The following MEGF6 variants were observed in gnomAD, a reference collection of about 807,000 sequenced individuals.
MEGF6 encodes multiple epidermal growth factor-like domains protein 6.
In MEGF6, 184 loss-of-function variants were observed where a neutral mutation model predicts 207.1. That is an observed-to-expected ratio of 0.89 (90% CI 0.79 to 1.00). The LOEUF is 1.00. MEGF6 is among the 50% of genes least tolerant of loss of function. The pLI is 0.00. For missense variants in MEGF6, 2,282 were observed against 2,202.9 expected (o/e 1.04, Z -0.72); for synonymous variants, 1,038 against 910.0 (o/e 1.14, Z -2.53).
intron 2 of MEGF6, among the ~76,000 whole-genome samples, chr1:3,598,872 G>C (rs1424893366): frequency 3.3e-5 from 5 of 151,342 alleles, no homozygotes; most frequent in Non-Finnish European, 1.5e-5. Context: ...CAGGGACCTT[G>C]CTCTGCAGAG....
rs567630853 is a variant in MEGF6 at position 3,492,778 on chromosome 1, G to T, written c.4388-11C>A. 2 of 1,603,720 alleles carry T rather than the reference G, an allele frequency of 1.2e-6. No homozygotes were observed. Among genetic ancestry groups the T allele is most frequent in the South Asian group, 2.2e-5 (2 of 90,828 alleles). On this transcript the variant is annotated splice_polypyrimidine_tract_variant and intron_variant, in intron 34 of 36. Transcript: ENST00000356575. ...GGCCCCTTCTGCAATCTGCAAGGCG[G>T]AGGGGGCGGGAGACAAACCTGAGCA...
chr1:3,532,783 T>A (rs1642217808), intron 4 of MEGF6, among the ~76,000 whole-genome samples: 1 of 152,132 alleles, frequency 6.6e-6, no homozygotes, highest in African/African-American at 2.4e-5. Context: ...GTCAGGAGCA[T>A]AGCCACGGGT....
In MEGF6 at chr1:3,600,537, G is replaced by C. The variant is rs76176372; in HGVS notation, c.266+1929C>G. On this transcript the variant is annotated intron_variant, in intron 2 of 36. Coordinates refer to ENST00000356575, the MANE Select transcript of MEGF6 (RefSeq NM_001409.4). ...GGGAACAGGGCTGGCTCCTGGGAGG[G>C]ATGAAGGGAGCAAGCCTCAGGCCGG... Among the ~76,000 whole-genome samples the C allele has an allele frequency of 8.0e-3, 1,225 of 152,290 alleles. 16 individuals carry two copies. Among genetic ancestry groups the C allele is most frequent in the African/African-American group, 0.028 (1,161 of 41,568 alleles).
At chr1:3,602,837 C>T (rs1644182496) in intron 1 of MEGF6, among the ~76,000 whole-genome samples, 1 of 152,188 alleles carries the variant, frequency 6.6e-6, no homozygotes, top group Non-Finnish European at 1.5e-5. Context: ...ACGCATGGCC[C>T]ACAGCGTGGA....
At chr1:3,616,790 G>A in the MEGF6 span, among the ~76,000 whole-genome samples, 1 of 152,226 alleles carries the variant, frequency 6.6e-6, no homozygotes, top group Non-Finnish European at 1.5e-5. Flanking sequence ...GGCCCCAAGC[G>A]TGGCGGGGGA....
chr1:3,510,745 A>G, intron 10 of MEGF6, 38 bp downstream of exon 10: 1 of 1,573,488 alleles, frequency 6.4e-7, no homozygotes, highest in Non-Finnish European at 8.7e-7. Context: ...CCCTGCTCCC[A>G]GGCCACCCCA....
chr1:3,488,644 GC>G lies in MEGF6; in HGVS notation c.*1883del, dbSNP rs1454219274. 2.4e-4 allele frequency among the ~76,000 whole-genome samples: 36 copies of G among 152,350 alleles called. No individual in the cohort carries two copies. The highest frequency in any genetic ancestry group is 7.9e-4 in the African/African-American group (33 of 41,576). ...ATAGTTTAGCTGGATGTAAAATTCA[GC>G]CTTCAAATATTTCCTTCAAACTCTG... On this transcript the variant is annotated 3_prime_UTR_variant, in exon 37 of 37. Transcript: ENST00000356575.
In MEGF6 at chr1:3,498,413, A is replaced by T. The variant is rs750323812; in HGVS notation, c.3310T>A (p.Cys1104Ser). The T allele has an allele frequency of 1.3e-6, 2 of 1,592,998 alleles. No homozygotes were observed. Among genetic ancestry groups the T allele is most frequent in the African/African-American group, 2.7e-5 (2 of 74,582 alleles). ...CCAGTCCAGCCGGCTGGGCAGAGGC[A>T]GCGGCCCGTGTGCGGGTCACACAGG... is the stretch of plus-strand genomic sequence containing the variant. ...GGLCDPHTGR[C>S]LCPAGWTGDK... Residue 1104 changes from cysteine to serine, a missense_variant, in exon 26 of 37, where the codon TGC (cysteine) becomes AGC (serine). Cys to Ser is a moderately radical substitution (Grantham distance 112). Coordinates refer to ENST00000356575, the MANE Select transcript of MEGF6 (RefSeq NM_001409.4).
At chr1:3,522,650 T>C (rs1231499970) in intron 5 of MEGF6, among the ~76,000 whole-genome samples, 1 of 151,530 alleles carries the variant, frequency 6.6e-6, no homozygotes, top group African/African-American at 2.4e-5. Context: ...CTTTTGAGGG[T>C]TTCAGGGAAG....
chr1:3,555,732 G>A (rs1040302462), intron 4 of MEGF6, among the ~76,000 whole-genome samples: 3 of 152,114 alleles, frequency 2.0e-5, no homozygotes, highest in African/African-American at 4.8e-5. Context: ...GCCTGCTGCC[G>A]CTCATGCCAG....
Position 3,492,894 on chromosome 1 carries a change from G to T in MEGF6, c.4388-127C>A, listed in dbSNP as rs563632406. On this transcript the variant is annotated intron_variant, in intron 34 of 36. Coordinates refer to ENST00000356575, the MANE Select transcript of MEGF6 (RefSeq NM_001409.4). Reference sequence around the variant, plus strand: ...TGAAGCCTTCTGCCTGGGTGTGTGCGGGAGCTAAGACCTTGGGCCTCGGTT... The same window carrying T: ...TGAAGCCTTCTGCCTGGGTGTGTGCTGGAGCTAAGACCTTGGGCCTCGGTT... 9.6e-5 allele frequency: 130 copies of T among 1,354,008 alleles called. 1 individual carries two copies. The African/African-American group carries it at 1.6e-3, about 17-fold the overall frequency. The allele number at this position is 1,354,008 out of a possible 1,614,324, so 83.9% of individuals were successfully genotyped here.
Position 3,494,401 on chromosome 1 carries a change from G to C in MEGF6, c.4099C>G (p.Pro1367Ala). 1 of 1,553,970 alleles carries C rather than the reference G, an allele frequency of 6.4e-7. No individual in the cohort carries two copies. The highest frequency in any genetic ancestry group is 8.7e-7 in the Non-Finnish European group (1 of 1,153,778). The change falls in exon 32 of 37, where the codon CCC (proline) becomes GCC (alanine). Residue 1367 changes from proline to alanine, a missense_variant. Physicochemically the swap from Pro to Ala is conservative, Grantham distance 27. Coordinates refer to ENST00000356575, the MANE Select transcript of MEGF6 (RefSeq NM_001409.4). ...EPATGTCRCG[P>A]GFYGQACEHP... is the part of the protein sequence containing the mutation. The stretch of plus-strand genomic sequence containing the variant: ...TCGCAGGCCTGGCCATAGAAGCCGG[G>C]GCCGCAGCGGCAGGTGCCCGTGGCA...
chr1:3,615,676 A>G (rs2101928410), upstream of MEGF6, among the ~76,000 whole-genome samples: 1 of 152,358 alleles, frequency 6.6e-6, no homozygotes, highest in African/African-American at 2.4e-5. Context: ...CGGGCCTGCA[A>G]GAGGGCCCTG....
chr1:3,555,941 G>A (rs1174006452), intron 4 of MEGF6, among the ~76,000 whole-genome samples: 1 of 152,362 alleles, frequency 6.6e-6, no homozygotes, highest in African/African-American at 2.4e-5. Context: ...CTCTGGGGGA[G>A]GGACTGTGGC....
chr1:3,528,628 G>T (rs757549872), intron 4 of MEGF6, among the ~76,000 whole-genome samples: 1 of 152,134 alleles, frequency 6.6e-6, no homozygotes, highest in East Asian at 1.9e-4. Context: ...GAGGCAGGAG[G>T]GTCAGAGGGC....
Position 3,522,871 on chromosome 1 carries a change from C to G in MEGF6, c.604+1253G>C, listed in dbSNP as rs1404608300. 3.9e-5 allele frequency among the ~76,000 whole-genome samples: 6 copies of G among 152,306 alleles called. No individual in the cohort carries two copies. The East Asian group carries it at 1.2e-3, about 29-fold the overall frequency. ...CCAAGAGCTGCCTCTTCCAGGGGGC[C>G]TGAGGGGACCAGGGGGTGCAAGGCT... is the stretch of plus-strand genomic sequence containing the variant. On this transcript the variant is annotated intron_variant, in intron 5 of 36. Coordinates refer to ENST00000356575, the MANE Select transcript of MEGF6 (RefSeq NM_001409.4).
rs539825170 is a variant in MEGF6, at chr1:3,605,291, C to T, written c.132-2691G>A. The stretch of plus-strand genomic sequence containing the variant: ...TCTCACACCCACACAATCACACAAA[C>T]GCAATCACACACATTCACATTCATA... On this transcript the variant is annotated intron_variant, in intron 1 of 36. Coordinates refer to ENST00000356575, the MANE Select transcript of MEGF6 (RefSeq NM_001409.4). Among the ~76,000 whole-genome samples the T allele has an allele frequency of 9.9e-5, 15 of 152,136 alleles. No individual in the cohort carries two copies. In the South Asian group the frequency reaches 1.2e-3, roughly 13 times the overall value.
intron 4 of MEGF6, among the ~76,000 whole-genome samples, chr1:3,549,610 G>A (rs773282431): frequency 1.2e-4 from 18 of 152,180 alleles, no homozygotes; most frequent in Non-Finnish European, 2.2e-4. Flanking sequence ...TCAATTCACC[G>A]AAGACACTGG....
intron 4 of MEGF6, among the ~76,000 whole-genome samples, chr1:3,572,982 CTCCTGGGTGTGCTGGGTCTT>C (rs1643550370): frequency 6.8e-6 from 1 of 147,176 alleles, no homozygotes; most frequent in Non-Finnish European, 1.5e-5. Context: ...GTGCTGGGTT[CTCCTGGGTGTGCTGGGTCTT>C]TCCTGGGTGT....
Sources: gnomAD v4.1 joint callset for allele counts (sites outside exome capture counted in the v4.1 genomes callset) on GRCh38, gnomAD v4.1.1 for gene constraint, MANE v1.5 for transcripts, NCBI Gene and HGNC (gene_info 2026-07-23, HGNC 2026-07-21) for gene names.